RSU1: variants seen among roughly 807,000 people sequenced by gnomAD.
RSU1 encodes the protein rsu-1.
Under a neutral mutation model 31.1 loss-of-function variants are expected in RSU1, and 26 were observed. The observed-to-expected ratio is 0.84, with a 90% CI of 0.61 to 1.16. The LOEUF (loss-of-function observed/expected upper bound fraction) is 1.16, where lower values mean the gene tolerates loss of function less well. Among genes scored for constraint, RSU1 ranks in the 50% most tolerant of loss-of-function variants. The pLI is 0.00. For synonymous variants in RSU1, 164 were observed against 136.3 expected (o/e 1.20, Z -1.41); for missense variants, 320 against 339.1 (o/e 0.94, Z 0.44).
At chr10:16,669,347 T>C (rs1283166746) in intron 8 of RSU1, among the ~76,000 whole-genome samples, 2 of 151,188 alleles carry the variant, frequency 1.3e-5, no homozygotes, top group Non-Finnish European at 3.0e-5. Flanking sequence ...TATTGTCTTC[T>C]TGAAATTAAC....
intron 7 of RSU1, among the ~76,000 whole-genome samples, chr10:16,702,052 G>A (rs1157507097): frequency 2.0e-5 from 3 of 152,232 alleles, no homozygotes; most frequent in African/African-American, 7.2e-5. Context: ...CTCAGGTAAT[G>A]TTAGGACATA....
At chr10:16,739,125 G>C (rs1176674149) in intron 7 of RSU1, among the ~76,000 whole-genome samples, 1 of 152,052 alleles carries the variant, frequency 6.6e-6, no homozygotes, top group African/African-American at 2.4e-5. Flanking sequence ...TGGGCATTTG[G>C]GTTGGTTCTA....
chr10:16,634,710 G>T (rs1171307491), intron 8 of RSU1, among the ~76,000 whole-genome samples: 8 of 152,102 alleles, frequency 5.3e-5, no homozygotes, highest in Admixed American at 5.2e-4. Flanking sequence ...AAAAATCAAA[G>T]AATGTGGGGT....
rs141260463 is a variant in RSU1, at chr10:16,776,948, T to C, written c.160+5086A>G. Among the ~76,000 whole-genome samples the C allele has an allele frequency of 4.5e-3, 688 of 152,198 alleles. 5 individuals are homozygous for C. Among genetic ancestry groups the C allele is most frequent in the African/African-American group, 0.013 (556 of 41,496 alleles). Reference sequence around the variant, plus strand: ...TTAATTTTTTTTTTGAGATAGGGTCTTGCCCTGTCACCCAGGCTGGAGTGC... The same window carrying C: ...TTAATTTTTTTTTTGAGATAGGGTCCTGCCCTGTCACCCAGGCTGGAGTGC... On this transcript the variant is annotated intron_variant, in intron 3 of 8. Transcript: ENST00000345264.
At chr10:16,677,437 T>TA (rs978450974) in intron 8 of RSU1, among the ~76,000 whole-genome samples, 5 of 152,064 alleles carry the variant, frequency 3.3e-5, no homozygotes, top group Admixed American at 3.3e-4. Context: ...ATGAAGAAAA[T>TA]AAAAATGGGG....
intron 8 of RSU1, among the ~76,000 whole-genome samples, chr10:16,596,192 G>C (rs143768796): frequency 3.7e-4 from 56 of 152,212 alleles, no homozygotes; most frequent in African/African-American, 1.3e-3. Flanking sequence ...AAAGATACCT[G>C]TGTTCAAGTC....
intron 7 of RSU1, among the ~76,000 whole-genome samples, chr10:16,726,150 T>G (rs1836388351): frequency 6.6e-6 from 1 of 152,084 alleles, no homozygotes; most frequent in African/African-American, 2.4e-5. Context: ...CAGAAATTAC[T>G]TCATCTGATT....
chr10:16,716,058 A>G (rs775219566), intron 7 of RSU1, among the ~76,000 whole-genome samples: 58 of 152,234 alleles, frequency 3.8e-4, no homozygotes, highest in Non-Finnish European at 7.3e-4. Context: ...TCATGTAAGT[A>G]TATGTTGAAC....
At chr10:16,783,599 C>T (rs1588532750) in intron 2 of RSU1, among the ~76,000 whole-genome samples, 1 of 151,984 alleles carries the variant, frequency 6.6e-6, no homozygotes, top group East Asian at 1.9e-4. Context: ...CATGATCCTC[C>T]CACCTTGGCC....
chr10:16,690,725 TGAACGCCGATCATA>T (rs1411116661), intron 8 of RSU1, among the ~76,000 whole-genome samples: 1 of 152,222 alleles, frequency 6.6e-6, no homozygotes, highest in African/African-American at 2.4e-5. Flanking sequence ...AAGGTCACTG[TGAACGCCGATCATA>T]GACATGAATG....
chr10:16,733,950 T>A (rs955771473), intron 7 of RSU1, among the ~76,000 whole-genome samples: 1 of 152,240 alleles, frequency 6.6e-6, no homozygotes, highest in African/African-American at 2.4e-5. Context: ...TCAACCAAAA[T>A]GACCAAACAA....
chr10:16,657,599 A>G (rs1234862282), intron 8 of RSU1, among the ~76,000 whole-genome samples: 1 of 151,558 alleles, frequency 6.6e-6, no homozygotes, highest in Non-Finnish European at 1.5e-5. Context: ...GTTTGCATAG[A>G]CAGACTTCAG....
At chr10:16,699,263 T>C (rs1483248862) in intron 7 of RSU1, among the ~76,000 whole-genome samples, 1 of 152,212 alleles carries the variant, frequency 6.6e-6, no homozygotes, top group Non-Finnish European at 1.5e-5. Flanking sequence ...GATAACACAA[T>C]ACCTGTTTCT....
At chr10:16,624,389 C>A (rs1437668827) in intron 8 of RSU1, among the ~76,000 whole-genome samples, 1 of 152,116 alleles carries the variant, frequency 6.6e-6, no homozygotes, top group Non-Finnish European at 1.5e-5. Flanking sequence ...CACTCCTCAC[C>A]TTTTGGAAAT....
intron 4 of RSU1, among the ~76,000 whole-genome samples, chr10:16,757,172 A>G (rs144322210): frequency 2.2e-3 from 332 of 151,862 alleles, no homozygotes; most frequent in Non-Finnish European, 2.0e-3. Context: ...TTTCTACACT[A>G]TCTTTTATCC....
At position 16,749,773 on chromosome 10, in the gene RSU1, A is replaced by G. The variant is rs370753902; in HGVS notation, c.598+2766T>C. 1.8e-3 allele frequency among the ~76,000 whole-genome samples: 268 copies of G among 152,338 alleles called. 2 individuals carry two copies. The highest frequency in any genetic ancestry group is 6.2e-3 in the African/African-American group (259 of 41,590). ...AAAGTGTTATGCTAGCCTTGCTCAC[A>G]TGCCGGCAAAGCCCACGCCAACTCA... On this transcript the variant is annotated intron_variant, in intron 7 of 8. Transcript: ENST00000345264.
chr10:16,798,886 G>A (rs909584040), intron 2 of RSU1, among the ~76,000 whole-genome samples: 3 of 152,074 alleles, frequency 2.0e-5, no homozygotes, highest in African/African-American at 7.2e-5. Flanking sequence ...AGAAACTGTC[G>A]AGTCTCTATA....
intron 4 of RSU1, among the ~76,000 whole-genome samples, chr10:16,760,528 A>G (rs983467114): frequency 6.6e-6 from 1 of 151,822 alleles, no homozygotes; most frequent in Non-Finnish European, 1.5e-5. Context: ...AAAAAAAAAA[A>G]AAAAGAAAAG....
chr10:16,769,482 G>A (rs957740372), intron 3 of RSU1, among the ~76,000 whole-genome samples: 17 of 152,196 alleles, frequency 1.1e-4, no homozygotes, highest in African/African-American at 3.1e-4. Flanking sequence ...ACCGCAAAAT[G>A]TTTTATTACA....
Sources: gnomAD v4.1 joint callset for allele counts (sites outside exome capture counted in the v4.1 genomes callset) on GRCh38, gnomAD v4.1.1 for gene constraint, MANE v1.5 for transcripts, NCBI Gene and HGNC (gene_info 2026-07-23, HGNC 2026-07-21) for gene names.